The following ESR1 variants were observed in gnomAD, a reference collection of about 807,000 sequenced individuals.
ESR1 encodes the protein estrogen receptor 1, also known as estrogen receptor.
Under a neutral mutation model 52.7 loss-of-function variants are expected in ESR1, and 12 were observed. The ratio of observed to expected loss-of-function variants is 0.23; its 90% CI spans 0.15 to 0.37. The LOEUF is 0.37. Among genes scored for constraint, ESR1 ranks in the 10% least tolerant of loss-of-function variants. The pLI is 1.00. For synonymous variants in ESR1, 305 were observed against 316.8 expected, an observed-to-expected ratio of 0.96 and a Z score of 0.39; for missense variants, 584 against 779.7, an observed-to-expected ratio of 0.75 and a Z score of 2.99.
At chr6:151,931,004 G>A (rs1241792891) in intron 3 of ESR1, among the ~76,000 whole-genome samples, 1 of 151,968 alleles carries the variant, frequency 6.6e-6, no homozygotes, top group African/African-American at 2.4e-5. Flanking sequence ...ATGCCTAGGT[G>A]TTGTTTGTTT....
At chr6:151,856,394 G>A (rs827420) in intron 2 of ESR1, among the ~76,000 whole-genome samples, 71,354 of 151,918 alleles carry the variant, frequency 0.47, 17,676 homozygotes, top group African/African-American at 0.64. Flanking sequence ...TACTTCTATG[G>A]GATATTTATG....
chr6:151,662,050 C>G (rs1777656607), intron 1 of ESR1, among the ~76,000 whole-genome samples: 1 of 152,092 alleles, frequency 6.6e-6, no homozygotes, highest in African/African-American at 2.4e-5. Flanking sequence ...ACCACTCTGC[C>G]AGGTGTGAAT....
intron 2 of ESR1, among the ~76,000 whole-genome samples, chr6:151,786,768 C>G (rs546959239): frequency 6.6e-6 from 1 of 151,490 alleles, no homozygotes; most frequent in Non-Finnish European, 1.5e-5. Flanking sequence ...AGCTAGTTAT[C>G]CCAGCCTTAG....
chr6:151,882,384 T>C (rs989158376), intron 3 of ESR1, among the ~76,000 whole-genome samples: 1 of 152,206 alleles, frequency 6.6e-6, no homozygotes, highest in Non-Finnish European at 1.5e-5. Flanking sequence ...GCAGCTTTAA[T>C]TCAAAGGGTA....
chr6:152,050,349 T>C (rs1220804925), intron 5 of ESR1, among the ~76,000 whole-genome samples: 3 of 152,210 alleles, frequency 2.0e-5, no homozygotes, highest in Non-Finnish European at 2.9e-5. Flanking sequence ...CCAAAAGTCA[T>C]TTCCACTTGA....
intron 4 of ESR1, among the ~76,000 whole-genome samples, chr6:151,997,051 T>C (rs1422972345): frequency 2.0e-5 from 3 of 151,466 alleles, no homozygotes; most frequent in African/African-American, 7.3e-5. Flanking sequence ...CCTATGTAAG[T>C]AGACTTCCTA....
chr6:151,840,653 A>C (rs901506526), intron 1 of ESR1, among the ~76,000 whole-genome samples: 4 of 152,200 alleles, frequency 2.6e-5, no homozygotes, highest in Non-Finnish European at 5.9e-5. Context: ...GCGCCAGTGA[A>C]AGTCAGTGTG....
At chr6:152,063,353 A>G (rs1011243884) in intron 6 of ESR1, among the ~76,000 whole-genome samples, 5 of 152,202 alleles carry the variant, frequency 3.3e-5, no homozygotes, top group Non-Finnish European at 7.4e-5. Flanking sequence ...TATCAAGGAC[A>G]GTACTGCTGG....
Position 151,880,184 on chromosome 6 carries a change from T to TG in ESR1, c.644-471_644-470insG, listed in dbSNP as rs1280065731. ...TCCACGGGAGGTTTTTTGTTCTGTT[T>TG]TTTTTTTTTTTTTTTTGAGATGGAT... is the stretch of plus-strand genomic sequence containing the variant. On this transcript the variant is annotated intron_variant, in intron 2 of 7. Transcript: ENST00000206249. Among the ~76,000 whole-genome samples the TG allele has an allele frequency of 1.9e-3, 235 of 122,936 alleles. 1 individual carries two copies. Among genetic ancestry groups the TG allele is most frequent in the African/African-American group, 7.6e-3 (229 of 30,294 alleles). The allele number at this position is 122,936 out of a possible 152,430, so 80.7% of individuals were successfully genotyped here.
intron 2 of ESR1, among the ~76,000 whole-genome samples, chr6:151,710,272 T>C (rs1336704778): frequency 6.6e-6 from 1 of 151,832 alleles, no homozygotes; most frequent in African/African-American, 2.4e-5. Flanking sequence ...GGTTTTCCTT[T>C]TTTTTTTTCA....
chr6:151,687,218 T>C (rs764747285), upstream of ESR1, among the ~76,000 whole-genome samples: 2 of 152,194 alleles, frequency 1.3e-5, no homozygotes, highest in African/African-American at 2.4e-5. Flanking sequence ...AGCTGTGATC[T>C]GAAGTGGGCG....
chr6:151,657,891 CA>C (rs11286608), intron 1 of ESR1, among the ~76,000 whole-genome samples: 3,680 of 149,548 alleles, frequency 0.025, 129 homozygotes, highest in African/African-American at 0.079. Context: ...GAGGTTCTGG[CA>C]AAAAAAAAGT....
At chr6:151,752,372 AGGCAATGAC>A (rs1275965400) in intron 2 of ESR1, among the ~76,000 whole-genome samples, 5 of 152,170 alleles carry the variant, frequency 3.3e-5, no homozygotes, top group African/African-American at 1.2e-4. Flanking sequence ...GTAAATGTAG[AGGCAATGAC>A]ACATTTAAAC....
At chr6:151,854,872 G>A (rs1429384844) in intron 2 of ESR1, among the ~76,000 whole-genome samples, 1 of 152,088 alleles carries the variant, frequency 6.6e-6, no homozygotes, top group Non-Finnish European at 1.5e-5. Flanking sequence ...TTGTGCTTTT[G>A]ACACCTCAGA....
At chr6:151,704,469 G>T (rs1438259828) in intron 2 of ESR1, among the ~76,000 whole-genome samples, 1 of 152,186 alleles carries the variant, frequency 6.6e-6, no homozygotes, top group African/African-American at 2.4e-5. Context: ...TGACCAGGCT[G>T]GTCTTGAACT....
rs1199000724 is a variant in ESR1 at position 152,011,871 on chromosome 6, C to T, written c.1235+77C>T. The stretch of plus-strand genomic sequence containing the variant: ...TCATTCATGAAACTATTTTATTCAT[C>T]TCTCGGTGAAGCTTCAGAGAACTTT... On this transcript the variant is annotated intron_variant, in intron 5 of 7. Coordinates refer to ENST00000206249, the MANE Select transcript of ESR1 (RefSeq NM_000125.4). The T allele has an allele frequency of 2.6e-6, 4 of 1,510,040 alleles. No homozygotes were observed. In the African/African-American group the frequency reaches 5.5e-5, roughly 21 times the overall value. 93.5% of individuals were successfully genotyped at this position (1,510,040 alleles called of 1,614,324 possible).
At chr6:151,753,077 G>T (rs1276443931) in intron 2 of ESR1, among the ~76,000 whole-genome samples, 2 of 152,084 alleles carry the variant, frequency 1.3e-5, no homozygotes, top group Non-Finnish European at 2.9e-5. Context: ...TAAAATTTCA[G>T]CTTTTTAACA....
chr6:151,844,271 A>G (rs1258657274), intron 2 of ESR1, among the ~76,000 whole-genome samples: 2 of 152,206 alleles, frequency 1.3e-5, no homozygotes, highest in East Asian at 3.9e-4. Flanking sequence ...AAGCCCTTAG[A>G]GGTGTTTTGA....
chr6:152,042,567 G>A (rs557529574), intron 5 of ESR1, among the ~76,000 whole-genome samples: 255 of 152,256 alleles, frequency 1.7e-3, no homozygotes, highest in Non-Finnish European at 1.5e-3. Context: ...ATGTAGTGGG[G>A]TCCTTCCTCA....
Sources: gnomAD v4.1 joint callset for allele counts (sites outside exome capture counted in the v4.1 genomes callset) on GRCh38, gnomAD v4.1.1 for gene constraint, MANE v1.5 for transcripts, NCBI Gene and HGNC (gene_info 2026-07-23, HGNC 2026-07-21) for gene names.